The following TEX52 variants were observed in gnomAD, a reference collection of about 807,000 sequenced individuals.
The protein encoded by TEX52 is testis-expressed protein 52.
A neutral mutation model predicts 17.6 loss-of-function variants in TEX52; 22 were observed. The observed-to-expected ratio is 1.25, with a 90% CI of 0.89 to 1.78. TEX52 has a LOEUF of 1.78. TEX52 is among the 40% of genes most tolerant of loss of function. TEX52 has a pLI of 0.00. For missense variants in TEX52, 396 were observed against 372.3 expected, an observed-to-expected ratio of 1.06 and a Z score of -0.52; for synonymous variants, 168 against 147.4, an observed-to-expected ratio of 1.14 and a Z score of -1.01.
chr12:2,847,886 C>T (rs1290738690), downstream of TEX52, among the ~76,000 whole-genome samples: 1 of 152,182 alleles, frequency 6.6e-6, no homozygotes, highest in African/African-American at 2.4e-5. Context: ...TCTATCAATA[C>T]TCAATTTCTT....
chr12:2,849,649 G>A, intron 2 of TEX52, 124 bp from the exon 3 acceptor site: 1 of 1,105,586 alleles, frequency 9.0e-7, no homozygotes. Context: ...AGGCGGCAGG[G>A]AATCCCTTCT....
At chr12:2,852,266 T>C (rs2098073473) in intron 2 of TEX52, among the ~76,000 whole-genome samples, 1 of 152,198 alleles carries the variant, frequency 6.6e-6, no homozygotes, top group South Asian at 2.1e-4. Context: ...GTCATGGAGA[T>C]ACCATACTAA....
downstream of TEX52, among the ~76,000 whole-genome samples, chr12:2,848,497 C>G (rs910018832): frequency 2.0e-5 from 3 of 152,208 alleles, no homozygotes; most frequent in Admixed American, 2.0e-4. Flanking sequence ...ACCCTTCCCC[C>G]ACAGGTATCC....
At chr12:2,851,672 AT>A (rs1004932765) in intron 2 of TEX52, among the ~76,000 whole-genome samples, 20 of 143,790 alleles carry the variant, frequency 1.4e-4, no homozygotes, top group Admixed American at 2.7e-4. Context: ...AATTTTATTT[AT>A]TTTTTTTATT....
In TEX52 at chr12:2,854,892, T is replaced by C; in HGVS notation, c.623+4A>G. 6.5e-7 allele frequency: 1 copy of C among 1,530,976 alleles called. No individual in the cohort carries two copies. The highest frequency in any genetic ancestry group is 8.7e-7 in the Non-Finnish European group (1 of 1,143,948). 94.8% of individuals were successfully genotyped at this position (1,530,976 alleles called of 1,614,324 possible). A position where few individuals can be genotyped will look rare whatever the true frequency, so the allele number is the denominator to read the frequency against. On this transcript the variant is annotated splice_donor_region_variant and intron_variant, in intron 2 of 2. Coordinates refer to ENST00000637658, the MANE Select transcript of TEX52 (RefSeq NM_001365174.2). ...GTGGGCTCCCTGAGGAGGCACCGTC[T>C]TACTTCTTGAAGCTCGCTGGCGGCT... is the stretch of plus-strand genomic sequence containing the variant.
intron 1 of TEX52, among the ~76,000 whole-genome samples, chr12:2,855,969 C>T (rs919551800): frequency 6.6e-6 from 1 of 152,158 alleles, no homozygotes; most frequent in Admixed American, 6.6e-5. Flanking sequence ...GTCACTGACG[C>T]TTTCCTCCCA....
intron 2 of TEX52, among the ~76,000 whole-genome samples, chr12:2,854,384 C>T (rs1012245501): frequency 6.6e-6 from 1 of 152,228 alleles, no homozygotes; most frequent in African/African-American, 2.4e-5. Context: ...TATCCTCCCA[C>T]AGTGAGGTCG....
chr12:2,853,113 A>G (rs768775855), intron 2 of TEX52, among the ~76,000 whole-genome samples: 3 of 152,138 alleles, frequency 2.0e-5, no homozygotes, highest in Non-Finnish European at 2.9e-5. Context: ...TGGCACTGTC[A>G]TGCCACTGTG....
chr12:2,852,079 T>C (rs1432837892), intron 2 of TEX52, among the ~76,000 whole-genome samples: 1 of 152,228 alleles, frequency 6.6e-6, no homozygotes, highest in African/African-American at 2.4e-5. Context: ...TATAATCTTA[T>C]GGGACCGCTG....
chr12:2,848,833 G>A (rs2098060415), downstream of TEX52, among the ~76,000 whole-genome samples: 1 of 151,116 alleles, frequency 6.6e-6, no homozygotes, highest in Admixed American at 6.6e-5. Context: ...TCTTATCCAT[G>A]TTTCTTACAG....
chr12:2,855,117 G>A lies in TEX52; in HGVS notation c.402C>T (p.Pro134=), dbSNP rs540502018. 1.2e-5 allele frequency: 18 copies of A among 1,533,384 alleles called. No individual in the cohort carries two copies. Among genetic ancestry groups the A allele is most frequent in the South Asian group, 9.5e-5 (8 of 83,870 alleles). 95.0% of individuals were successfully genotyped at this position (1,533,384 alleles called of 1,614,324 possible). Residue 134 remains proline (P), a synonymous_variant, in exon 2 of 3, where the codon CCC becomes CCT. Transcript: ENST00000637658. The stretch of plus-strand genomic sequence containing the variant: ...AGGGAGGGGGGATGGGGTGCTCCGT[G>A]GGGGGGCATCTGTGGGCATTGGAGT... ...LTDSNAHRCP[P]TEHPIPPPSW...
At chr12:2,853,635 C>A (rs1603491998) in intron 2 of TEX52, among the ~76,000 whole-genome samples, 1 of 149,846 alleles carries the variant, frequency 6.7e-6, no homozygotes, top group African/African-American at 2.5e-5. Context: ...GATTAAAAAT[C>A]TTCACAGCCA....
At position 2,856,985 on chromosome 12, in the gene TEX52, G is replaced by A; in HGVS notation, c.42C>T (p.His14=). 1 of 703,050 alleles carries A rather than the reference G, an allele frequency of 1.4e-6. No individual in the cohort carries two copies. The highest frequency in any genetic ancestry group is 1.5e-5 in the South Asian group (1 of 67,604). The allele number at this position is 703,050 out of a possible 1,614,324, so 43.6% of individuals were successfully genotyped here. The change falls in exon 1 of 3, where the codon CAC becomes CAT. Residue 14 remains histidine, a synonymous_variant. Coordinates refer to ENST00000637658, the MANE Select transcript of TEX52 (RefSeq NM_001365174.2). ...NRQRSLRGPS[H]PSHMEEPFLQ... ...GGAAAGGTTCTTCCATATGAGATGG[G>A]TGACTGGGCCCTCTGAGTGATCTTT...
intron 1 of TEX52, among the ~76,000 whole-genome samples, chr12:2,855,892 G>A (rs2098085743): frequency 6.6e-6 from 1 of 152,058 alleles, no homozygotes; most frequent in Non-Finnish European, 1.5e-5. Context: ...GGTATACCAG[G>A]AAAGTCCTCC....
downstream of TEX52, chr12:2,848,981 C>T: frequency 6.0e-6 from 3 of 501,284 alleles, no homozygotes; most frequent in Non-Finnish European, 1.1e-5. Context: ...TCTACCCAGC[C>T]TCCTGGCCGC....
Position 2,849,266 on chromosome 12 carries a change from C to A in TEX52, c.883G>T (p.Ala295Ser), listed in dbSNP as rs905554689. The change falls in exon 3 of 3, where the codon GCA (alanine) becomes TCA (serine). Residue 295 changes from alanine to serine, a missense_variant. Physicochemically the swap from Ala to Ser is moderately conservative, Grantham distance 99 (BLOSUM62 1). Coordinates refer to ENST00000637658, the MANE Select transcript of TEX52 (RefSeq NM_001365174.2). ...LSKAQASKSP[A>S]RKRKRRPGHF ...CCAGGTCTTCTCTTCCTCTTCCTTG[C>A]TGGGGATTTGCTTGCTTGTGCCTTG... 15 of 1,536,000 alleles carry A rather than the reference C, an allele frequency of 9.8e-6. No homozygotes were observed. The highest frequency in any genetic ancestry group is 1.1e-5 in the Non-Finnish European group (13 of 1,146,930).
At chr12:2,852,718 A>G (rs1295328713) in intron 2 of TEX52, among the ~76,000 whole-genome samples, 1 of 151,934 alleles carries the variant, frequency 6.6e-6, no homozygotes, top group Non-Finnish European at 1.5e-5. Flanking sequence ...AAATGGGGTT[A>G]ATGAGGCCGG....
At chr12:2,851,206 T>C (rs890808681) in intron 2 of TEX52, among the ~76,000 whole-genome samples, 1 of 151,854 alleles carries the variant, frequency 6.6e-6, no homozygotes, top group African/African-American at 2.4e-5. Flanking sequence ...GGGCACTTAC[T>C]GTGATGGAGT....
chr12:2,856,748 G>T (rs1393943203), intron 1 of TEX52, among the ~76,000 whole-genome samples: 1 of 152,202 alleles, frequency 6.6e-6, no homozygotes, highest in East Asian at 1.9e-4. Flanking sequence ...CCAGTGGGTG[G>T]GGCTGGGAGA....
Sources: gnomAD v4.1 joint callset for allele counts (sites outside exome capture counted in the v4.1 genomes callset) on GRCh38, gnomAD v4.1.1 for gene constraint, MANE v1.5 for transcripts, NCBI Gene and HGNC (gene_info 2026-07-23, HGNC 2026-07-21) for gene names.